Variants in KCTD14 observed in about 807,000 individuals in gnomAD.
KCTD14 encodes the protein potassium channel tetramerization domain containing 14.
KCTD14 carries 7 observed loss-of-function variants against 5.9 expected under a neutral mutation model. That is an observed-to-expected ratio of 1.19 (90% CI 0.68 to 2.23). The LOEUF (loss-of-function observed/expected upper bound fraction) is 2.23. Among genes scored for constraint, KCTD14 ranks in the 30% most tolerant of loss-of-function variants. The pLI is 0.00. For synonymous variants in KCTD14, 140 were observed against 133.1 expected (o/e 1.05, Z -0.36); for missense variants, 342 against 332.2 (o/e 1.03, Z -0.23).
At chr11:78,045,280 T>C (rs1254388965) in intron 1 of KCTD14, among the ~76,000 whole-genome samples, 5 of 152,190 alleles carry the variant, frequency 3.3e-5, no homozygotes, top group Non-Finnish European at 2.9e-5. Flanking sequence ...TTTTTTTGTA[T>C]TTTTTGTAGA....
chr11:78,025,118 G>GTGTGTGTATATA (rs1230114793), upstream of KCTD14, among the ~76,000 whole-genome samples: 12 of 44,478 alleles, frequency 2.7e-4, no homozygotes, highest in Non-Finnish European at 4.1e-4. Flanking sequence ...GTGTGTGTGT[G>GTGTGTGTATATA]TATATATATA....
At chr11:78,017,314 T>C in intron 1 of KCTD14, 44 bp from the exon 2 acceptor site, 5 of 1,523,334 alleles carry the variant, frequency 3.3e-6, no homozygotes, top group Non-Finnish European at 4.4e-6. Flanking sequence ...CCATCTCCCC[T>C]GAGCGCATTA....
At chr11:78,042,559 G>C (rs1048854753) in intron 1 of KCTD14, among the ~76,000 whole-genome samples, 14 of 152,080 alleles carry the variant, frequency 9.2e-5, no homozygotes, top group African/African-American at 3.1e-4. Context: ...TAACCTATGC[G>C]CTTTGAACGA....
chr11:78,026,767 T>G (rs1238503619), upstream of KCTD14, among the ~76,000 whole-genome samples: 1 of 152,070 alleles, frequency 6.6e-6, no homozygotes, highest in African/African-American at 2.4e-5. Context: ...AGATCCTGTC[T>G]CAAAAAATAT....
At chr11:78,036,100 A>C (rs1253940906) in intron 2 of KCTD14, among the ~76,000 whole-genome samples, 1 of 152,168 alleles carries the variant, frequency 6.6e-6, no homozygotes, top group Non-Finnish European at 1.5e-5. Flanking sequence ...AGGAGGTTGC[A>C]TTGAGCAGAG....
chr11:78,023,033 C>G (rs1857346921), intron 1 of KCTD14, 127 bp downstream of exon 1: 15 of 647,748 alleles, frequency 2.3e-5, no homozygotes, highest in Non-Finnish European at 4.0e-5. Context: ...TGAAGGGGGA[C>G]AGCGCGCCAG....
Position 78,017,126 on chromosome 11 carries a change from T to C in KCTD14, c.235A>G (p.Ile79Val), listed in dbSNP as rs767308725. Residue 79 changes from isoleucine to valine, a missense_variant, in exon 2 of 2, where the codon ATC becomes GTC. By Grantham distance (29) the Ile-to-Val change is conservative (BLOSUM62 3). Coordinates refer to ENST00000353172, the MANE Select transcript of KCTD14 (RefSeq NM_023930.4). ...CTGAAATAGGTGCTGGGGCGGTCGA[T>C]GAAGAAGCGGCCCTCCGCGTCCGTG... is the stretch of plus-strand genomic sequence containing the variant. ...ASTDAEGRFFIDRPSTYFRPI... is the reference protein window; with the variant it reads ...ASTDAEGRFFVDRPSTYFRPI... 2 of 1,614,054 alleles carry C rather than the reference T, an allele frequency of 1.2e-6. No homozygotes were observed. Among genetic ancestry groups the C allele is most frequent in the Non-Finnish European group, 1.7e-6 (2 of 1,180,036 alleles).
Position 78,015,803 on chromosome 11 carries a change from A to T in KCTD14, c.*790T>A, listed in dbSNP as rs1157845761. 1 of 152,216 alleles carries T rather than the reference A, an allele frequency of 6.6e-6. No individual in the cohort carries two copies. The highest frequency in any genetic ancestry group is 1.9e-4 in the East Asian group (1 of 5,198). 9.4% of individuals were successfully genotyped at this position (152,216 alleles called of 1,614,324 possible). On this transcript the variant is annotated 3_prime_UTR_variant, in exon 2 of 2. Coordinates refer to ENST00000353172, the MANE Select transcript of KCTD14 (RefSeq NM_023930.4). ...GGACAGAGGAAAAAAACTGAGTAAGAATGTGCTCTCAGAAGAAGACTGACT... is the reference window on the plus strand; with the variant it reads ...GGACAGAGGAAAAAAACTGAGTAAGTATGTGCTCTCAGAAGAAGACTGACT...
intron 1 of KCTD14, among the ~76,000 whole-genome samples, chr11:78,018,297 T>C (rs1039503251): frequency 1.2e-4 from 18 of 152,098 alleles, no homozygotes; most frequent in Non-Finnish European, 8.8e-5. Flanking sequence ...TCCCAACACT[T>C]TGGGAGGCCA....
In KCTD14 at chr11:78,017,097, G is replaced by C. The variant is rs747037594; in HGVS notation, c.264C>G (p.Pro88=). 123 of 1,614,084 alleles carry C rather than the reference G, an allele frequency of 7.6e-5. No homozygotes were observed. In the Admixed American group the frequency reaches 9.3e-4, roughly 12 times the overall value. The stretch of plus-strand genomic sequence containing the variant: ...GCCCAGTGCGCAGGTAGTCCAGGAT[G>C]GGTCTGAAATAGGTGCTGGGGCGGT... ...FIDRPSTYFR[P]ILDYLRTGQV... Residue 88 remains proline (P), a synonymous_variant, in exon 2 of 2, where the codon CCC becomes CCG. Transcript: ENST00000353172.
rs559820760 is a variant in KCTD14 at position 78,035,844 on chromosome 11, CAAA to C, written c.-1+2817_-1+2819del. ...TGGGCAACAGAGCGAGACTCCATCT[CAAA>C]AAAAAAAAAAAAAAAAAACAGTCCC... On this transcript the variant is annotated intron_variant, in intron 2 of 2. Coordinates refer to the KCTD14 transcript ENST00000533144. Among the ~76,000 whole-genome samples, 372 of 79,272 alleles carry C rather than the reference CAAA, an allele frequency of 4.7e-3. 1 individual carries two copies. The highest frequency in any genetic ancestry group is 0.032 in the East Asian group (82 of 2,554). 52.0% of individuals were successfully genotyped at this position (79,272 alleles called of 152,430 possible).
intron 2 of KCTD14, among the ~76,000 whole-genome samples, chr11:78,035,920 G>C (rs1042605938): frequency 4.6e-5 from 7 of 151,408 alleles, no homozygotes; most frequent in Non-Finnish European, 1.0e-4. Flanking sequence ...AGCACTTTGG[G>C]AGGTCAAGGG....
Position 78,023,192 on chromosome 11 carries a change from G to C in KCTD14, c.58C>G (p.Leu20Val). Residue 20 changes from leucine (L) to valine (V), a missense_variant, in exon 1 of 2, where the codon CTG (leucine) becomes GTG (valine). By Grantham distance (32) the Leu-to-Val change is conservative. Coordinates refer to ENST00000353172, the MANE Select transcript of KCTD14 (RefSeq NM_023930.4). ...CGCCTGGGCCGGGGGGACTGGGGCA[G>C]AGGGGTCTGGCTCGTCATCCTGCCC... ...PVGRMTSQTP[L>V]PQSPRPRRPT... 1 of 1,605,496 alleles carries C rather than the reference G, an allele frequency of 6.2e-7. No individual in the cohort carries two copies.
Position 78,016,284 on chromosome 11 carries a change from T to C in KCTD14, c.*309A>G. On this transcript the variant is annotated 3_prime_UTR_variant, in exon 2 of 2. Transcript: ENST00000353172. Reference sequence around the variant, plus strand: ...AGTATCTTGTATGTTCCTGTTGTCATCTCACATCTCTTGCCAACGCATTGT... The same window carrying C: ...AGTATCTTGTATGTTCCTGTTGTCACCTCACATCTCTTGCCAACGCATTGT... 5.0e-6 allele frequency: 2 copies of C among 398,690 alleles called. No individual in the cohort carries two copies. Among genetic ancestry groups the C allele is most frequent in the Admixed American group, 8.4e-5 (2 of 23,924 alleles). 24.7% of individuals were successfully genotyped at this position (398,690 alleles called of 1,614,324 possible). A position where few individuals can be genotyped will look rare whatever the true frequency, so the allele number is the denominator to read the frequency against.
At chr11:78,033,006 A>G (rs1857671998) in intron 2 of KCTD14, among the ~76,000 whole-genome samples, 1 of 152,128 alleles carries the variant, frequency 6.6e-6, no homozygotes, top group South Asian at 2.1e-4. Flanking sequence ...ATCTACCACT[A>G]GGCTGCTGTC....
At chr11:78,031,806 T>G (rs1372293283) in intron 2 of KCTD14, among the ~76,000 whole-genome samples, 5 of 152,190 alleles carry the variant, frequency 3.3e-5, no homozygotes, top group African/African-American at 9.7e-5. Context: ...AGGGGCCCAT[T>G]GTCAGCTGTA....
At chr11:78,029,631 T>C (rs1857560144) in intron 2 of KCTD14, among the ~76,000 whole-genome samples, 1 of 152,234 alleles carries the variant, frequency 6.6e-6, no homozygotes. Flanking sequence ...GAGATTATGA[T>C]AGGACTGAGT....
rs1489626586 is a variant in KCTD14 at position 78,039,946 on chromosome 11, A to G, written c.-95-1188T>C. Among the ~76,000 whole-genome samples, 4 of 152,130 alleles carry G rather than the reference A, an allele frequency of 2.6e-5. No individual in the cohort carries two copies. In the East Asian group the frequency reaches 7.7e-4, roughly 29 times the overall value. On this transcript the variant is annotated intron_variant, in intron 1 of 2. Transcript: ENST00000533144. ...TTTTTCTCTCTTTCTCTACTATAAT[A>G]GTGCTGCAGTGAGCATCCTTGATAG...
At chr11:78,026,665 A>G (rs1193512698), upstream of KCTD14, among the ~76,000 whole-genome samples, 1 of 152,042 alleles carries the variant, frequency 6.6e-6, no homozygotes, top group East Asian at 1.9e-4. Flanking sequence ...GCTACTTGGG[A>G]GGCTGAGGCA....
Sources: allele counts gnomAD v4.1 joint callset (sites outside exome capture counted in the v4.1 genomes callset), GRCh38; gene constraint gnomAD v4.1.1; transcripts MANE v1.5; gene names NCBI Gene and HGNC (gene_info 2026-07-23, HGNC 2026-07-21).